Variants in MYO6 observed in about 807,000 individuals in gnomAD.
MYO6 encodes unconventional myosin-VI.
A neutral mutation model predicts 178.7 loss-of-function variants in MYO6; 74 were observed. The observed-to-expected ratio is 0.41, with a 90% CI of 0.34 to 0.50. The LOEUF (loss-of-function observed/expected upper bound fraction) is 0.50, where lower values mean the gene tolerates loss of function less well. Among genes scored for constraint, MYO6 ranks in the 20% least tolerant of loss-of-function variants. The pLI is 0.09. For synonymous variants in MYO6, 477 were observed against 504.6 expected (o/e 0.95, Z 0.73); for missense variants, 1,330 against 1,547.4 (o/e 0.86, Z 2.36).
intron 4 of MYO6, 34 bp from the exon 5 acceptor site, chr6:75,830,382 T>G (rs1406415124): frequency 6.3e-7 from 1 of 1,580,218 alleles, no homozygotes; most frequent in Non-Finnish European, 8.7e-7. Context: ...AAATAGTAAT[T>G]GGAATATTTT....
At chr6:75,798,531 C>T (rs552351908) in intron 1 of MYO6, among the ~76,000 whole-genome samples, 2 of 152,346 alleles carry the variant, frequency 1.3e-5, no homozygotes, top group East Asian at 1.9e-4. Flanking sequence ...ATTGGATCAT[C>T]TCAATAGAGG....
At chr6:75,771,769 T>C (rs929897561) in intron 1 of MYO6, among the ~76,000 whole-genome samples, 2 of 152,178 alleles carry the variant, frequency 1.3e-5, no homozygotes, top group African/African-American at 4.8e-5. Context: ...AAGTCCCATA[T>C]CTTGGAGGGT....
intron 7 of MYO6, among the ~76,000 whole-genome samples, chr6:75,838,618 A>T (rs1283049374): frequency 6.8e-6 from 1 of 147,758 alleles, no homozygotes; most frequent in Non-Finnish European, 1.5e-5. Flanking sequence ...ACAGCCAGTT[A>T]TGTGGACTTT....
At chr6:75,886,632 G>A (rs1176708831) in intron 24 of MYO6, among the ~76,000 whole-genome samples, 1 of 152,156 alleles carries the variant, frequency 6.6e-6, no homozygotes, top group East Asian at 1.9e-4. Context: ...AATTCTCAAA[G>A]TTGTAGAAGG....
At position 75,917,676 on chromosome 6, in the gene MYO6, G is replaced by A. The variant is rs184086327; in HGVS notation, c.*2664G>A. 112 of 152,624 alleles carry A rather than the reference G, an allele frequency of 7.3e-4. No individual in the cohort carries two copies. Among genetic ancestry groups the A allele is most frequent in the African/African-American group, 2.5e-3 (105 of 41,552 alleles). The allele number at this position is 152,624 out of a possible 1,614,324, so 9.5% of individuals were successfully genotyped here. A position where few individuals can be genotyped will look rare whatever the true frequency, so the allele number is the denominator to read the frequency against. ...TAATGACTTTTCATAGGTCATTCTT[G>A]TGAACCATTTTGTTTTGCAAGCAAC... is the stretch of plus-strand genomic sequence containing the variant. On this transcript the variant is annotated 3_prime_UTR_variant, in exon 35 of 35. Coordinates refer to ENST00000369977, the MANE Select transcript of MYO6 (RefSeq NM_004999.4).
chr6:75,780,499 A>T (rs186888610), intron 1 of MYO6, among the ~76,000 whole-genome samples: 3 of 152,300 alleles, frequency 2.0e-5, no homozygotes, highest in South Asian at 2.1e-4. Context: ...CTTGATATTA[A>T]TTTTTTTGTT....
intron 12 of MYO6, among the ~76,000 whole-genome samples, chr6:75,856,368 C>G (rs1304646230): frequency 6.6e-6 from 1 of 152,058 alleles, no homozygotes; most frequent in East Asian, 1.9e-4. Context: ...CATGAAACTT[C>G]AAGAAAGGGT....
At chr6:75,892,364 A>G (rs1283714417) in intron 27 of MYO6, among the ~76,000 whole-genome samples, 166 bp from the exon 28 acceptor site, 1 of 152,216 alleles carries the variant, frequency 6.6e-6, no homozygotes, top group African/African-American at 2.4e-5. Flanking sequence ...AGCATTAATC[A>G]TAATAGAGAA....
In MYO6 at chr6:75,892,496, A is replaced by G. The variant is rs1279445653; in HGVS notation, c.2947-34A>G. 4 of 1,613,834 alleles carry G rather than the reference A, an allele frequency of 2.5e-6. No individual in the cohort carries two copies. In the East Asian group the frequency reaches 8.9e-5, roughly 36 times the overall value. On this transcript the variant is annotated intron_variant, in intron 27 of 34. Coordinates refer to ENST00000369977, the MANE Select transcript of MYO6 (RefSeq NM_004999.4). ...GGAGTGATCAAGTAAACAAGTGAAG[A>G]ACTCTTGGTGAAATAGCTTTCTGCC...
chr6:75,805,021 A>ATATATATATATATATTT (rs1252912172), intron 1 of MYO6, among the ~76,000 whole-genome samples: 3 of 77,284 alleles, frequency 3.9e-5, no homozygotes, highest in African/African-American at 1.0e-4. Context: ...ATATATATAT[A>ATATATATATATATATTT]TTTTTTTTTT....
chr6:75,907,794 A>C, intron 31 of MYO6, 86 bp downstream of exon 31: 1 of 750,494 alleles, frequency 1.3e-6, no homozygotes, highest in Non-Finnish European at 2.3e-6. Flanking sequence ...GTGTGTGTGT[A>C]TGTGTGTGTG....
intron 32 of MYO6, among the ~76,000 whole-genome samples, chr6:75,910,894 A>T (rs1476153202): frequency 2.0e-5 from 3 of 152,222 alleles, no homozygotes; most frequent in Non-Finnish European, 4.4e-5. Context: ...GGAACAATTC[A>T]TTAATTTGAG....
chr6:75,816,815 T>G (rs959636002), intron 1 of MYO6, among the ~76,000 whole-genome samples: 3 of 152,240 alleles, frequency 2.0e-5, no homozygotes, highest in African/African-American at 7.2e-5. Flanking sequence ...ACTATTTAAT[T>G]TATTGTGCAA....
chr6:75,902,232 G>A (rs1462687054), intron 30 of MYO6, among the ~76,000 whole-genome samples: 2 of 152,078 alleles, frequency 1.3e-5, no homozygotes, highest in Non-Finnish European at 2.9e-5. Flanking sequence ...GGATAATGCT[G>A]GTCTCATAAA....
intron 30 of MYO6, among the ~76,000 whole-genome samples, chr6:75,903,134 CCTTA>C (rs1389553752): frequency 2.0e-5 from 3 of 152,030 alleles, no homozygotes; most frequent in African/African-American, 7.3e-5. Context: ...CTGAGGAGAG[CCTTA>C]CTTCCAAGTA....
In MYO6 at chr6:75,838,648, GT is replaced by G. The variant is rs113038679; in HGVS notation, c.554-1922del. On this transcript the variant is annotated intron_variant, in intron 7 of 34. Transcript: ENST00000369977. ...GACTTTGAAGAGTGAGTTGACCATGGTTTTTTTTTTTTTTTCTTCTTGTTTT... is the reference window on the plus strand; with the variant it reads ...GACTTTGAAGAGTGAGTTGACCATGGTTTTTTTTTTTTTTCTTCTTGTTTT... Among the ~76,000 whole-genome samples, 218 of 137,206 alleles carry G rather than the reference GT, an allele frequency of 1.6e-3. 1 individual carries two copies. Among genetic ancestry groups the G allele is most frequent in the African/African-American group, 3.4e-3 (129 of 37,626 alleles). 90.0% of individuals were successfully genotyped at this position (137,206 alleles called of 152,430 possible).
intron 1 of MYO6, among the ~76,000 whole-genome samples, chr6:75,805,364 A>G (rs1312606671): frequency 2.0e-5 from 3 of 152,142 alleles, no homozygotes; most frequent in Non-Finnish European, 2.9e-5. Flanking sequence ...ATGGCAGGCA[A>G]CAGCTCATGT....
At chr6:75,899,743 T>A (rs940198553) in intron 30 of MYO6, among the ~76,000 whole-genome samples, 1 of 150,518 alleles carries the variant, frequency 6.6e-6, no homozygotes, top group African/African-American at 2.5e-5. Context: ...TTTAAAAAAA[T>A]TATTATTATA....
chr6:75,765,862 A>G (rs1778369548), intron 1 of MYO6, among the ~76,000 whole-genome samples: 1 of 152,034 alleles, frequency 6.6e-6, no homozygotes, highest in Admixed American at 6.6e-5. Flanking sequence ...CCTCTCTACT[A>G]AGAATAAAAA....
Sources: gnomAD v4.1 joint callset for allele counts (sites outside exome capture counted in the v4.1 genomes callset) on GRCh38, gnomAD v4.1.1 for gene constraint, MANE v1.5 for transcripts, NCBI Gene and HGNC (gene_info 2026-07-23, HGNC 2026-07-21) for gene names.